The following ARHGAP24 variants were observed in gnomAD, a reference collection of about 807,000 sequenced individuals.
ARHGAP24 encodes Rho GTPase activating protein 24.
Under a neutral mutation model 76.4 loss-of-function variants are expected in ARHGAP24, and 50 were observed. The ratio of observed to expected loss-of-function variants is 0.65; its 90% confidence interval spans 0.52 to 0.83. ARHGAP24 has a LOEUF of 0.83. ARHGAP24 is among the 40% of genes least tolerant of loss of function. ARHGAP24 has a pLI of 0.00. For synonymous variants in ARHGAP24, 345 were observed against 323.3 expected (o/e 1.07, Z -0.72); for missense variants, 930 against 914.2 (o/e 1.02, Z -0.22).
chr4:85,751,008 T>C (rs1560615277), intron 3 of ARHGAP24, among the ~76,000 whole-genome samples: 1 of 152,224 alleles, frequency 6.6e-6, no homozygotes, highest in East Asian at 1.9e-4. Flanking sequence ...CACAAAAGAA[T>C]ACACATAAAA....
intron 2 of ARHGAP24, among the ~76,000 whole-genome samples, chr4:85,583,981 G>T (rs190983672): frequency 0.11 from 15,966 of 146,108 alleles, 3,203 homozygotes; most frequent in African/African-American, 0.41. Context: ...GGAACACTTT[G>T]ACACTGTTGG....
At chr4:85,599,882 T>C (rs796361337) in intron 2 of ARHGAP24, among the ~76,000 whole-genome samples, 18 of 152,280 alleles carry the variant, frequency 1.2e-4, no homozygotes, top group African/African-American at 4.3e-4. Flanking sequence ...ATTCAAATAA[T>C]CTCTATTTAA....
At chr4:85,727,257 G>T (rs1162723352) in intron 3 of ARHGAP24, among the ~76,000 whole-genome samples, 1 of 152,036 alleles carries the variant, frequency 6.6e-6, no homozygotes, top group Admixed American at 6.6e-5. Context: ...CCTATTTTCT[G>T]AAATATGAGC....
chr4:85,914,758 T>C (rs1304274543), intron 3 of ARHGAP24, among the ~76,000 whole-genome samples: 1 of 152,210 alleles, frequency 6.6e-6, no homozygotes, highest in Non-Finnish European at 1.5e-5. Context: ...TTTAAGTTCA[T>C]TTGTAAGTCA....
intron 3 of ARHGAP24, among the ~76,000 whole-genome samples, chr4:85,880,943 C>T (rs1733217840): frequency 1.3e-5 from 2 of 152,170 alleles, no homozygotes; most frequent in South Asian, 2.1e-4. Flanking sequence ...GCAACCTCCG[C>T]ACACCTTTTA....
At chr4:85,547,606 T>C (rs2110126763) in intron 1 of ARHGAP24, among the ~76,000 whole-genome samples, 1 of 152,194 alleles carries the variant, frequency 6.6e-6, no homozygotes, top group South Asian at 2.1e-4. Flanking sequence ...CAGCTAAATT[T>C]TGTAATTTTG....
chr4:85,755,852 C>T lies in ARHGAP24; in HGVS notation c.268+33880C>T, dbSNP rs375642955. Reference sequence around the variant, plus strand: ...TTCACCATGTTGGTCAGGCTGGTCTCGAACTCCTGACTTCAGGTGATCTGC... The same window carrying T: ...TTCACCATGTTGGTCAGGCTGGTCTTGAACTCCTGACTTCAGGTGATCTGC... On this transcript the variant is annotated intron_variant, in intron 3 of 9. Transcript: ENST00000395184. 1.5e-3 allele frequency among the ~76,000 whole-genome samples: 225 copies of T among 151,946 alleles called. 3 individuals carry two copies. The highest frequency in any genetic ancestry group is 6.9e-3 in the Middle Eastern group (2 of 290).
intron 4 of ARHGAP24, chr4:85,930,869 T>C: frequency 6.2e-7 from 1 of 1,609,594 alleles, no homozygotes; most frequent in African/African-American, 1.3e-5. Context: ...GGCTGTTGGG[T>C]TTCGCTCAGA....
intron 1 of ARHGAP24, among the ~76,000 whole-genome samples, chr4:85,554,662 A>G (rs913790075): frequency 6.6e-6 from 1 of 151,350 alleles, no homozygotes; most frequent in Non-Finnish European, 1.5e-5. Flanking sequence ...TATTTTTATT[A>G]TTATTATTTT....
chr4:85,607,335 C>T (rs796891125), intron 2 of ARHGAP24, among the ~76,000 whole-genome samples: 4 of 146,426 alleles, frequency 2.7e-5, no homozygotes, highest in South Asian at 4.3e-4. Context: ...TACCAAGGAT[C>T]GTCAAAAAGA....
At chr4:85,850,372 A>G (rs1731153975) in intron 3 of ARHGAP24, among the ~76,000 whole-genome samples, 1 of 151,760 alleles carries the variant, frequency 6.6e-6, no homozygotes, top group African/African-American at 2.4e-5. Context: ...GCAGTCTATC[A>G]ATTTTGTTGA....
At chr4:85,667,018 C>T (rs1405721173) in intron 2 of ARHGAP24, among the ~76,000 whole-genome samples, 1 of 152,154 alleles carries the variant, frequency 6.6e-6, no homozygotes, top group Non-Finnish European at 1.5e-5. Flanking sequence ...AACCACTGCT[C>T]TCTTCAAAGC....
chr4:85,828,854 T>C (rs1350797469), intron 3 of ARHGAP24, among the ~76,000 whole-genome samples: 3 of 151,958 alleles, frequency 2.0e-5, no homozygotes, highest in East Asian at 3.9e-4. Context: ...TCTAAATAAA[T>C]ATATAGGAGG....
intron 3 of ARHGAP24, among the ~76,000 whole-genome samples, chr4:85,786,301 A>G (rs184753247): frequency 1.3e-4 from 20 of 152,334 alleles, no homozygotes; most frequent in Admixed American, 1.1e-3. Context: ...TGCAGCAGAA[A>G]TAAACCTGAG....
At chr4:85,965,230 C>T (rs1738513030) in intron 5 of ARHGAP24, among the ~76,000 whole-genome samples, 1 of 152,074 alleles carries the variant, frequency 6.6e-6, no homozygotes, top group Non-Finnish European at 1.5e-5. Context: ...TGGATGGCAG[C>T]AGGCAAAGAG....
chr4:85,665,896 G>T (rs1247586481), intron 2 of ARHGAP24, among the ~76,000 whole-genome samples: 1 of 152,182 alleles, frequency 6.6e-6, no homozygotes, highest in Non-Finnish European at 1.5e-5. Context: ...CTGTTAGTCT[G>T]ATGGGCTTCC....
At chr4:85,573,287 G>A (rs150690143) in intron 2 of ARHGAP24, among the ~76,000 whole-genome samples, 131 of 152,228 alleles carry the variant, frequency 8.6e-4, no homozygotes, top group African/African-American at 3.1e-3. Flanking sequence ...TTAAACACAC[G>A]CATACAAATT....
At chr4:85,762,539 T>G (rs1726770231) in intron 3 of ARHGAP24, among the ~76,000 whole-genome samples, 1 of 152,180 alleles carries the variant, frequency 6.6e-6, no homozygotes, top group Admixed American at 6.5e-5. Context: ...GCTTAGCAAT[T>G]TGTGTATTTT....
At chr4:85,839,142 A>C (rs983722526) in intron 3 of ARHGAP24, among the ~76,000 whole-genome samples, 3 of 152,246 alleles carry the variant, frequency 2.0e-5, no homozygotes, top group Non-Finnish European at 4.4e-5. Context: ...ACTTTCAGCA[A>C]TCATAATAAA....
Sources: allele counts gnomAD v4.1 joint callset (sites outside exome capture counted in the v4.1 genomes callset), GRCh38; gene constraint gnomAD v4.1.1; transcripts MANE v1.5; gene names NCBI Gene and HGNC (gene_info 2026-07-23, HGNC 2026-07-21).